TTLL7: variants seen among roughly 807,000 people sequenced by gnomAD.
TTLL7 encodes the protein tubulin tyrosine ligase like 7.
In TTLL7, 53 loss-of-function variants were observed where a neutral mutation model predicts 120.2. That is an observed-to-expected ratio of 0.44 (90% CI 0.35 to 0.55). The LOEUF is 0.55. TTLL7 is among the 20% of genes least tolerant of loss of function. The probability of loss-of-function intolerance (pLI) is 0.00; values close to 1 mark genes in which losing one functional copy is unlikely to be tolerated. For missense variants in TTLL7, 803 were observed against 1,054.7 expected, an observed-to-expected ratio of 0.76 and a Z score of 3.31; for synonymous variants, 353 against 351.7, an observed-to-expected ratio of 1.00 and a Z score of -0.04.
At chr1:83,981,761 G>C (rs1396318673) in intron 1 of TTLL7, among the ~76,000 whole-genome samples, 1 of 151,778 alleles carries the variant, frequency 6.6e-6, no homozygotes, top group Non-Finnish European at 1.5e-5. Context: ...GAACCCGGGG[G>C]CGGAGCTTTC....
intron 1 of TTLL7, among the ~76,000 whole-genome samples, chr1:83,987,379 T>TCC (rs1242861379): frequency 6.6e-6 from 1 of 152,148 alleles, no homozygotes. Flanking sequence ...TGATGGCAAT[T>TCC]CTCCCTAAAT....
chr1:83,988,033 C>G (rs531462290), intron 1 of TTLL7, among the ~76,000 whole-genome samples: 1 of 152,284 alleles, frequency 6.6e-6, no homozygotes, highest in Admixed American at 6.5e-5. Flanking sequence ...ACATTCTTCA[C>G]CCTCCTACCT....
Position 83,950,134 on chromosome 1 carries a change from T to C in TTLL7, c.158-148A>G, listed in dbSNP as rs1384713906. Reference sequence around the variant, plus strand: ...CTAACCTTATTTTTAGTTACAACAGTTTTATCTAGGGCCAAATTATTCTCA... The same window carrying C: ...CTAACCTTATTTTTAGTTACAACAGCTTTATCTAGGGCCAAATTATTCTCA... On this transcript the variant is annotated intron_variant, in intron 3 of 20. Transcript: ENST00000260505. 4.1e-6 allele frequency: 3 copies of C among 730,224 alleles called. No individual in the cohort carries two copies. The African/African-American group carries it at 5.4e-5, about 13-fold the overall frequency. 45.2% of individuals were successfully genotyped at this position (730,224 alleles called of 1,614,324 possible).
intron 1 of TTLL7, among the ~76,000 whole-genome samples, chr1:83,991,757 G>A (rs1653021766): frequency 6.6e-6 from 1 of 152,048 alleles, no homozygotes; most frequent in Non-Finnish European, 1.5e-5. Flanking sequence ...ATACTAAGAT[G>A]TTCACACTCT....
chr1:83,900,903 T>C (rs1656665015), intron 18 of TTLL7, among the ~76,000 whole-genome samples: 1 of 152,058 alleles, frequency 6.6e-6, no homozygotes, highest in Non-Finnish European at 1.5e-5. Context: ...TACTAATTTT[T>C]GCTCATATGA....
intron 4 of TTLL7, 91 bp downstream of exon 4, chr1:83,949,774 A>C: frequency 2.1e-6 from 3 of 1,424,848 alleles, no homozygotes; most frequent in Non-Finnish European, 2.9e-6. Context: ...GAAATGTAAT[A>C]AGGCAACATA....
Position 83,892,296 on chromosome 1 carries a change from GAATA to G in TTLL7, c.2209-1819_2209-1816del, listed in dbSNP as rs1469655868. ...TATATATGAATATATATGTATATAT[GAATA>G]TATATACGAATATATATGAATATAT... is the stretch of plus-strand genomic sequence containing the variant. On this transcript the variant is annotated intron_variant, in intron 18 of 20. Transcript: ENST00000260505. 7.9e-5 allele frequency among the ~76,000 whole-genome samples: 6 copies of G among 76,170 alleles called. 1 individual carries two copies. The highest frequency in any genetic ancestry group is 2.3e-4 in the African/African-American group (6 of 26,558). 50.0% of individuals were successfully genotyped at this position (76,170 alleles called of 152,430 possible). A position where few individuals can be genotyped will look rare whatever the true frequency, so the allele number is the denominator to read the frequency against.
Position 83,867,532 on chromosome 1 carries a change from G to C in TTLL7, c.*2430C>G, listed in dbSNP as rs1250534145. ...TTTAAATTTACTCAGTTTTTAAATT[G>C]TGTGTGTGTGTGTGTGTGTGTTTTC... On this transcript the variant is annotated 3_prime_UTR_variant, in exon 21 of 21. Transcript: ENST00000260505. 6.7e-6 allele frequency: 1 copy of C among 149,752 alleles called. No individual in the cohort carries two copies. The highest frequency in any genetic ancestry group is 1.5e-5 in the Non-Finnish European group (1 of 67,162). The allele number at this position is 149,752 out of a possible 1,614,324, so 9.3% of individuals were successfully genotyped here. A position where few individuals can be genotyped will look rare whatever the true frequency, so the allele number is the denominator to read the frequency against.
chr1:83,926,034 T>C lies in TTLL7; in HGVS notation c.1142+3102A>G, dbSNP rs368233604. Among the ~76,000 whole-genome samples, 66 of 150,752 alleles carry C rather than the reference T, an allele frequency of 4.4e-4. 1 individual carries two copies. The South Asian group carries it at 0.013, about 30-fold the overall frequency. The stretch of plus-strand genomic sequence containing the variant: ...TACTCGGGAGGCTGAGACAGGAGAA[T>C]CGCTTGAACCTGGGAGATGGAGGTT... On this transcript the variant is annotated intron_variant, in intron 10 of 20. Coordinates refer to ENST00000260505, the MANE Select transcript of TTLL7 (RefSeq NM_024686.6).
chr1:83,875,964 A>T (rs1196120810), intron 20 of TTLL7, among the ~76,000 whole-genome samples: 3 of 151,788 alleles, frequency 2.0e-5, no homozygotes, highest in Non-Finnish European at 2.9e-5. Context: ...TGTTATTAAA[A>T]TTTTTTGGTT....
At position 83,989,939 on chromosome 1, in the gene TTLL7, A is replaced by AT. The variant is rs201466112; in HGVS notation, c.-177+8991dup. Among the ~76,000 whole-genome samples the AT allele has an allele frequency of 1.4e-3, 214 of 150,342 alleles. 1 individual carries two copies. Among genetic ancestry groups the AT allele is most frequent in the Non-Finnish European group, 5.6e-4 (38 of 67,476 alleles). ...GTTGTTGTTATTATTGATGTTGGGG[A>AT]TTTTTTTTTGTGGCTACTGTAAGTG... On this transcript the variant is annotated intron_variant, in intron 1 of 20. Transcript: ENST00000260505.
At position 83,870,031 on chromosome 1, in the gene TTLL7, G is replaced by A. The variant is rs202036389; in HGVS notation, c.2595C>T (p.Asn865=). 4 of 1,587,942 alleles carry A rather than the reference G, an allele frequency of 2.5e-6. No individual in the cohort carries two copies. In the African/African-American group the frequency reaches 4.1e-5, roughly 16 times the overall value. Residue 865 remains asparagine, a synonymous_variant, in exon 21 of 21, where the codon AAC becomes AAT. Coordinates refer to ENST00000260505, the MANE Select transcript of TTLL7 (RefSeq NM_024686.6). ...TCATTCCAGGTGAATTGTACTTCAA[G>A]TTGTAGGTTGGTGTTCTCAAGAAGA... ...TQFFLRTPTY[N]LKYNSPGMTR... is the part of the protein sequence containing the mutation.
chr1:83,885,441 T>A (rs1350674559), intron 19 of TTLL7, among the ~76,000 whole-genome samples: 1 of 152,012 alleles, frequency 6.6e-6, no homozygotes, highest in Non-Finnish European at 1.5e-5. Flanking sequence ...TCTAATCTGA[T>A]GTAACTTCTT....
chr1:83,960,179 T>C (rs1047901007), intron 1 of TTLL7, among the ~76,000 whole-genome samples: 2 of 152,180 alleles, frequency 1.3e-5, no homozygotes, highest in African/African-American at 2.4e-5. Context: ...TTTGTAAGTA[T>C]TGTGATATAA....
At chr1:83,905,065 G>T (rs1657065880) in intron 17 of TTLL7, among the ~76,000 whole-genome samples, 1 of 151,432 alleles carries the variant, frequency 6.6e-6, no homozygotes, top group African/African-American at 2.4e-5. Context: ...CAAAAAGATG[G>T]GATATAACTA....
At chr1:83,947,832 A>G (rs1436133654) in intron 5 of TTLL7, among the ~76,000 whole-genome samples, 1 of 152,108 alleles carries the variant, frequency 6.6e-6, no homozygotes, top group Non-Finnish European at 1.5e-5. Context: ...CATTTTTTAG[A>G]GTCAGAAAGT....
At chr1:83,889,432 GACATCAGAGTTTATAGGTTAA>G (rs1361946237) in intron 19 of TTLL7, among the ~76,000 whole-genome samples, 12 of 151,968 alleles carry the variant, frequency 7.9e-5, no homozygotes, top group African/African-American at 2.2e-4. Context: ...ATCTGCTAGA[GACATCAGAGTTTATAGGTTAA>G]GAGCATAAAC....
At chr1:83,993,549 C>T (rs1312515935) in intron 1 of TTLL7, among the ~76,000 whole-genome samples, 3 of 152,150 alleles carry the variant, frequency 2.0e-5, no homozygotes, top group Non-Finnish European at 4.4e-5. Context: ...AGTTAGAAAG[C>T]TCAGGTGCTA....
At position 83,905,229 on chromosome 1, in the gene TTLL7, T is replaced by C. The variant is rs1657082073; in HGVS notation, c.2128-1070A>G. On this transcript the variant is annotated intron_variant, in intron 17 of 20. Coordinates refer to ENST00000260505, the MANE Select transcript of TTLL7 (RefSeq NM_024686.6). ...TTTCATTTCCTTTAATGTAACTAAG[T>C]AGCACCTAGCTTGCAAACAAGTTAC... 2.0e-5 allele frequency among the ~76,000 whole-genome samples: 3 copies of C among 152,068 alleles called. No individual in the cohort carries two copies. In the South Asian group the frequency reaches 6.2e-4, roughly 31 times the overall value.
Sources: allele counts gnomAD v4.1 joint callset (sites outside exome capture counted in the v4.1 genomes callset), GRCh38; gene constraint gnomAD v4.1.1; transcripts MANE v1.5; gene names NCBI Gene and HGNC (gene_info 2026-07-23, HGNC 2026-07-21).